The following AOPEP variants were observed in gnomAD, a reference collection of about 807,000 sequenced individuals.
AOPEP encodes the protein aminopeptidase O (putative), also known as aminopeptidase O.
Under a neutral mutation model 98.1 loss-of-function variants are expected in AOPEP, and 77 were observed. The ratio of observed to expected loss-of-function variants is 0.78; its 90% CI spans 0.65 to 0.95. AOPEP has a LOEUF of 0.95. Ranked by LOEUF, AOPEP falls within the 40% of genes least tolerant of loss-of-function variation. The pLI is 0.00. For missense variants in AOPEP, 1,024 were observed against 1,024.7 expected (o/e 1.00, Z 0.01); for synonymous variants, 346 against 365.3 (o/e 0.95, Z 0.60).
At position 94,755,412 on chromosome 9, in the gene AOPEP, C is replaced by T. The variant is rs553905104; in HGVS notation, c.-135-4237C>T. ...CCCTGATTGATGTCAGTGAGCGTTA[C>T]GTACTTGCAGAGAGAAAGATGATTT... On this transcript the variant is annotated intron_variant, in intron 1 of 16. Transcript: ENST00000375315. Among the ~76,000 whole-genome samples the T allele has an allele frequency of 7.2e-5, 11 of 152,300 alleles. No individual in the cohort carries two copies. In the East Asian group the frequency reaches 1.3e-3, roughly 19 times the overall value.
At chr9:94,852,568 CTAATG>C (rs1160042822) in intron 5 of AOPEP, among the ~76,000 whole-genome samples, 2 of 152,204 alleles carry the variant, frequency 1.3e-5, no homozygotes, top group African/African-American at 4.8e-5. Context: ...ACAAGCCTAA[CTAATG>C]TAAGCTGGAA....
At chr9:95,103,740 GCCTCCAGGTGCCTGGAGAAGAGC>G in the AOPEP span, among the ~76,000 whole-genome samples, 1 of 152,234 alleles carries the variant, frequency 6.6e-6, no homozygotes, top group African/African-American at 2.4e-5. Flanking sequence ...CGGGGAGTGG[GCCTCCAGGTGCCTGGAGAAGAGC>G]CCACTGCGCA....
intron 1 of AOPEP, among the ~76,000 whole-genome samples, chr9:94,744,324 G>A (rs1405113884): frequency 6.6e-6 from 1 of 152,086 alleles, no homozygotes; most frequent in Non-Finnish European, 1.5e-5. Context: ...CCCGGGAGGC[G>A]GAGCTTGGCA....
At chr9:94,915,889 G>T (rs551410291) in intron 5 of AOPEP, among the ~76,000 whole-genome samples, 30 of 152,324 alleles carry the variant, frequency 2.0e-4, no homozygotes, top group Admixed American at 8.5e-4. Context: ...ACTTTTTCCA[G>T]ACAAGGAACA....
chr9:95,105,317 C>T, the AOPEP span, among the ~76,000 whole-genome samples: 3 of 152,184 alleles, frequency 2.0e-5, no homozygotes, highest in Non-Finnish European at 4.4e-5. Context: ...TGGACGGGAG[C>T]AGGAGGGGCC....
At chr9:95,087,460 G>A (rs550883733), downstream of AOPEP, among the ~76,000 whole-genome samples, 15 of 118,060 alleles carry the variant, frequency 1.3e-4, no homozygotes, top group South Asian at 4.5e-3. Context: ...TCCAGCCTGG[G>A]CGACAGAGCA....
chr9:94,909,373 T>C (rs1325917707), intron 5 of AOPEP, among the ~76,000 whole-genome samples: 13 of 94,494 alleles, frequency 1.4e-4, no homozygotes, highest in Non-Finnish European at 3.0e-4. Context: ...AAAAAAAGAA[T>C]GAGAAAATTT....
chr9:94,911,013 G>C (rs1352612713), intron 5 of AOPEP, among the ~76,000 whole-genome samples: 1 of 152,132 alleles, frequency 6.6e-6, no homozygotes, highest in Non-Finnish European at 1.5e-5. Flanking sequence ...TGTAGATACT[G>C]TCATTACTAC....
intron 5 of AOPEP, among the ~76,000 whole-genome samples, chr9:94,890,972 G>T (rs1229429350): frequency 6.6e-6 from 1 of 152,186 alleles, no homozygotes; most frequent in Non-Finnish European, 1.5e-5. Context: ...GTTGGTTGAT[G>T]GTCAGCTTTT....
chr9:94,950,776 TG>T (rs1183550136), intron 7 of AOPEP, among the ~76,000 whole-genome samples: 1 of 152,204 alleles, frequency 6.6e-6, no homozygotes, highest in Non-Finnish European at 1.5e-5. Context: ...TGCTGACTGC[TG>T]GGAGTGTGAG....
chr9:95,138,688 C>G, the AOPEP span, among the ~76,000 whole-genome samples: 1 of 152,188 alleles, frequency 6.6e-6, no homozygotes, highest in African/African-American at 2.4e-5. Flanking sequence ...AGCCATGGCA[C>G]GGTGTTTGTC....
At chr9:94,835,901 T>C (rs1334101715) in intron 5 of AOPEP, among the ~76,000 whole-genome samples, 2 of 152,182 alleles carry the variant, frequency 1.3e-5, no homozygotes, top group Non-Finnish European at 2.9e-5. Flanking sequence ...CTTCTACCGC[T>C]CTTTGTTTTT....
intron 3 of AOPEP, among the ~76,000 whole-genome samples, chr9:94,786,638 C>T (rs1326217138): frequency 6.6e-6 from 1 of 152,158 alleles, no homozygotes; most frequent in Non-Finnish European, 1.5e-5. Flanking sequence ...CATGAAGAGA[C>T]AACTCAAAAG....
intron 5 of AOPEP, among the ~76,000 whole-genome samples, chr9:94,826,196 C>G (rs1466421521): frequency 2.6e-5 from 4 of 152,214 alleles, no homozygotes. Flanking sequence ...TCCCATAGGA[C>G]TGCTGGCAAA....
At chr9:94,923,860 A>G in intron 5 of AOPEP, 126 bp from the exon 6 acceptor site, 1 of 515,338 alleles carries the variant, frequency 1.9e-6, no homozygotes. Flanking sequence ...CCGCAAGCCT[A>G]TCTGTCATGA....
At chr9:94,895,219 T>TAAA (rs907258167) in intron 5 of AOPEP, among the ~76,000 whole-genome samples, 3 of 60,642 alleles carry the variant, frequency 4.9e-5, no homozygotes, top group African/African-American at 1.6e-4. Context: ...TCATCTCTAC[T>TAAA]AAAAAAAAAT....
intron 7 of AOPEP, among the ~76,000 whole-genome samples, chr9:94,950,434 A>C (rs2058020344): frequency 6.6e-6 from 1 of 152,162 alleles, no homozygotes; most frequent in African/African-American, 2.4e-5. Flanking sequence ...CTTATGTTCA[A>C]GATCACATGG....
chr9:94,733,105 C>CTTTTTTTTTTTTTTTTTTTTTTTTTTTT (rs537104658), intron 1 of AOPEP, among the ~76,000 whole-genome samples: 1 of 128,944 alleles, frequency 7.8e-6, no homozygotes, highest in Non-Finnish European at 1.6e-5. Flanking sequence ...TTTTCTTTCT[C>CTTTTTTTTTTTTTTTTTTTTTTTTTTTT]TTTTTTTTTT....
At chr9:95,112,642 T>G in the AOPEP span, among the ~76,000 whole-genome samples, 3 of 152,220 alleles carry the variant, frequency 2.0e-5, no homozygotes, top group Admixed American at 6.5e-5. Flanking sequence ...AGGCACCATG[T>G]CAGGGTAGAC....
Sources: allele counts gnomAD v4.1 joint callset (sites outside exome capture counted in the v4.1 genomes callset), GRCh38; gene constraint gnomAD v4.1.1; transcripts MANE v1.5; gene names NCBI Gene and HGNC (gene_info 2026-07-23, HGNC 2026-07-21).